The following PACSIN1 variants were observed in gnomAD, a reference collection of about 807,000 sequenced individuals.
PACSIN1 encodes the protein protein kinase C and casein kinase substrate in neurons protein 1.
PACSIN1 carries 15 observed loss-of-function variants against 59.5 expected under a neutral mutation model. That is an observed-to-expected ratio of 0.25 (90% CI 0.17 to 0.39). The LOEUF is 0.39. Ranked by LOEUF, PACSIN1 falls within the 10% of genes least tolerant of loss-of-function variation. PACSIN1 has a pLI of 1.00. For missense variants in PACSIN1, 420 were observed against 580.2 expected (o/e 0.72, Z 2.84); for synonymous variants, 210 against 220.6 (o/e 0.95, Z 0.42).
chr6:34,520,725 T>G (rs781376555), intron 1 of PACSIN1, among the ~76,000 whole-genome samples: 14 of 152,082 alleles, frequency 9.2e-5, no homozygotes, highest in Non-Finnish European at 1.6e-4. Context: ...GAGGAAGCCA[T>G]GCTGAGGGCA....
chr6:34,476,878 C>G (rs1394883498), intron 1 of PACSIN1, among the ~76,000 whole-genome samples: 1 of 152,204 alleles, frequency 6.6e-6, no homozygotes, highest in Non-Finnish European at 1.5e-5. Context: ...ACAAAATTGC[C>G]ACCTGAGGAA....
intron 1 of PACSIN1, among the ~76,000 whole-genome samples, chr6:34,478,357 C>G (rs1435102805): frequency 1.4e-4 from 20 of 141,818 alleles, no homozygotes; most frequent in African/African-American, 4.4e-4. Context: ...CCACGCCGAG[C>G]CTATTTATCT....
At position 34,521,872 on chromosome 6, in the gene PACSIN1, A is replaced by T. The variant is rs539566167; in HGVS notation, c.-63-4371A>T. On this transcript the variant is annotated intron_variant, in intron 1 of 9. Transcript: ENST00000244458. This position sits in a 1 kb window ranked among gnomAD's most constrained non-coding sequence, Gnocchi z 4.3. The stretch of plus-strand genomic sequence containing the variant: ...GAGGCCTGGGAAGAGGGAGAGAGCC[A>T]CACACGGTCTCACAGCCCATACATG... Among the ~76,000 whole-genome samples, 1 of 152,286 alleles carries T rather than the reference A, an allele frequency of 6.6e-6. No individual in the cohort carries two copies. Among genetic ancestry groups the T allele is most frequent in the East Asian group, 1.9e-4 (1 of 5,188 alleles).
chr6:34,480,227 C>CTTTTTT (rs67633521), intron 1 of PACSIN1, among the ~76,000 whole-genome samples: 1 of 133,622 alleles, frequency 7.5e-6, no homozygotes, highest in Non-Finnish European at 1.6e-5. Context: ...TTCTTTCTTT[C>CTTTTTT]TTTTTTTTTT....
Position 34,529,632 on chromosome 6 carries a change from A to T in PACSIN1, c.613-34A>T. 2 of 1,612,776 alleles carry T rather than the reference A, an allele frequency of 1.2e-6. No homozygotes were observed. The highest frequency in any genetic ancestry group is 2.2e-5 in the South Asian group (2 of 91,036). On this transcript the variant is annotated intron_variant, in intron 5 of 9. Coordinates refer to ENST00000244458, the MANE Select transcript of PACSIN1 (RefSeq NM_020804.5). The surrounding 1 kb of genome is among the most constrained non-coding windows in gnomAD (Gnocchi z 6.3). The stretch of plus-strand genomic sequence containing the variant: ...GTGGCTGGGAGCTGCAGGCCTGGCT[A>T]GGTGTCACCCTCTCTCCACTCTGGT...
intron 1 of PACSIN1, among the ~76,000 whole-genome samples, chr6:34,489,522 GCAGA>G (rs1279489512): frequency 6.6e-6 from 1 of 152,154 alleles, no homozygotes; most frequent in Non-Finnish European, 1.5e-5. Flanking sequence ...AGTTTCAGAG[GCAGA>G]CAGTTTCAGA....
At chr6:34,505,002 T>A (rs1767087263) in intron 1 of PACSIN1, among the ~76,000 whole-genome samples, 1 of 151,630 alleles carries the variant, frequency 6.6e-6, no homozygotes. Context: ...TATTATTATT[T>A]TAGATTTTTT....
In PACSIN1 at chr6:34,526,382, G is replaced by A. The variant is rs768731770; in HGVS notation, c.63+14G>A. ...AGCTTCTGGGAGGTGAGGCTCTCAT[G>A]ATCCCCAGGTTCGGGGACCAGACAG... On this transcript the variant is annotated intron_variant, in intron 2 of 9. Coordinates refer to ENST00000244458, the MANE Select transcript of PACSIN1 (RefSeq NM_020804.5). 4.3e-6 allele frequency: 7 copies of A among 1,610,582 alleles called. No individual in the cohort carries two copies. Among genetic ancestry groups the A allele is most frequent in the Non-Finnish European group, 5.9e-6 (7 of 1,178,488 alleles).
chr6:34,474,235 G>C (rs768347485), intron 1 of PACSIN1, among the ~76,000 whole-genome samples: 2 of 152,028 alleles, frequency 1.3e-5, no homozygotes, highest in Non-Finnish European at 2.9e-5. Flanking sequence ...GTCTGTCCCT[G>C]ACACCTCATT....
chr6:34,526,711 G>A (rs1311486658), intron 2 of PACSIN1, among the ~76,000 whole-genome samples: 1 of 152,216 alleles, frequency 6.6e-6, no homozygotes, highest in Admixed American at 6.5e-5. Context: ...CCATCCTGAG[G>A]TGGGCAGGGG....
chr6:34,483,253 A>G (rs1766746705), intron 1 of PACSIN1, among the ~76,000 whole-genome samples: 1 of 152,228 alleles, frequency 6.6e-6, no homozygotes, highest in Non-Finnish European at 1.5e-5. Flanking sequence ...TGATCTGCCC[A>G]CCTTGGTCTC....
intron 1 of PACSIN1, among the ~76,000 whole-genome samples, chr6:34,477,020 C>T (rs887677099): frequency 6.6e-6 from 1 of 152,190 alleles, no homozygotes; most frequent in African/African-American, 2.4e-5. Flanking sequence ...CCCCTCGTTC[C>T]CTGGCCCTCA....
In PACSIN1 at chr6:34,532,757, GTC is replaced by G. The variant is rs1459352632; in HGVS notation, c.*229_*230del. 1.9e-6 allele frequency: 1 copy of G among 513,780 alleles called. No individual in the cohort carries two copies. Among genetic ancestry groups the G allele is most frequent in the East Asian group, 3.5e-5 (1 of 28,928 alleles). The allele number at this position is 513,780 out of a possible 1,614,324, so 31.8% of individuals were successfully genotyped here. A position where few individuals can be genotyped will look rare whatever the true frequency, so the allele number is the denominator to read the frequency against. ...TGGGGTGGCCCCAGGGTAGGTAACA[GTC>G]TTAGGACTTAGCCCAACATCACAAC... On this transcript the variant is annotated 3_prime_UTR_variant, in exon 10 of 10. Coordinates refer to ENST00000244458, the MANE Select transcript of PACSIN1 (RefSeq NM_020804.5). The surrounding 1 kb of genome is among the most constrained non-coding windows in gnomAD (Gnocchi z 5.2).
intron 1 of PACSIN1, among the ~76,000 whole-genome samples, chr6:34,512,524 A>G (rs937544317): frequency 1.3e-5 from 2 of 152,138 alleles, no homozygotes; most frequent in African/African-American, 4.8e-5. Context: ...ACTCTCTAGG[A>G]AGCCTCTGCT....
At chr6:34,472,956 G>T (rs1246740820) in intron 1 of PACSIN1, among the ~76,000 whole-genome samples, 1 of 152,166 alleles carries the variant, frequency 6.6e-6, no homozygotes, top group African/African-American at 2.4e-5. Context: ...AGCTCATGGG[G>T]TTATCCCCAT....
intron 2 of PACSIN1, 71 bp downstream of exon 2, chr6:34,526,439 A>C: frequency 7.7e-7 from 1 of 1,305,416 alleles, no homozygotes; most frequent in South Asian, 1.2e-5. Flanking sequence ...CTCCCTTATC[A>C]CTCACCCCAT....
intron 1 of PACSIN1, among the ~76,000 whole-genome samples, chr6:34,480,553 A>T (rs1289477879): frequency 6.6e-6 from 1 of 152,142 alleles, no homozygotes; most frequent in African/African-American, 2.4e-5. Flanking sequence ...AATAGTTTCT[A>T]ATATGTAAAT....
In PACSIN1 at chr6:34,477,564, C is replaced by T. The variant is rs1487828530; in HGVS notation, c.-64+11294C>T. 2.0e-5 allele frequency among the ~76,000 whole-genome samples: 3 copies of T among 152,120 alleles called. No homozygotes were observed. The South Asian group carries it at 6.2e-4, about 32-fold the overall frequency. ...CTGGCCATCTCATCTTTACTGCAAG[C>T]TCAAGTCCAATTTCCATCATATTTT... On this transcript the variant is annotated intron_variant, in intron 1 of 9. Transcript: ENST00000244458.
chr6:34,495,515 CTA>C (rs1766935221), intron 1 of PACSIN1, among the ~76,000 whole-genome samples: 1 of 151,228 alleles, frequency 6.6e-6, no homozygotes, highest in Non-Finnish European at 1.5e-5. Context: ...TGCAGTGGCA[CTA>C]TCTTGGCTCA....
Sources: allele counts gnomAD v4.1 joint callset (sites outside exome capture counted in the v4.1 genomes callset), GRCh38; gene constraint gnomAD v4.1.1; non-coding constraint Gnocchi (gnomAD v3.1); transcripts MANE v1.5; gene names NCBI Gene and HGNC (gene_info 2026-07-23, HGNC 2026-07-21).